The following PIK3C2G variants were observed in gnomAD, a reference collection of about 807,000 sequenced individuals.
The protein encoded by PIK3C2G is phosphatidylinositol-4-phosphate 3-kinase catalytic subunit type 2 gamma, also known as phosphatidylinositol 3-kinase C2 domain-containing subunit gamma.
In PIK3C2G, 168 loss-of-function variants were observed where a neutral mutation model predicts 181.1. That is an observed-to-expected ratio of 0.93 (90% CI 0.82 to 1.05). The LOEUF (loss-of-function observed/expected upper bound fraction) is 1.05. PIK3C2G is among the 50% of genes least tolerant of loss of function. The pLI is 0.00. For synonymous variants in PIK3C2G, 573 were observed against 592.2 expected, an observed-to-expected ratio of 0.97 and a Z score of 0.47; for missense variants, 1,869 against 1,732.8, an observed-to-expected ratio of 1.08 and a Z score of -1.40.
intron 25 of PIK3C2G, among the ~76,000 whole-genome samples, chr12:18,545,648 TA>T (rs1453562277): frequency 6.6e-6 from 1 of 151,852 alleles, no homozygotes; most frequent in African/African-American, 2.4e-5. Context: ...GGCAGGAAAA[TA>T]TCTTATACAA....
At chr12:18,636,432 T>C (rs1949606396) in intron 31 of PIK3C2G, among the ~76,000 whole-genome samples, 1 of 152,132 alleles carries the variant, frequency 6.6e-6, no homozygotes, top group Non-Finnish European at 1.5e-5. Flanking sequence ...GGTTTCTCCA[T>C]GTTGGTCAGG....
At position 18,307,414 on chromosome 12, in the gene PIK3C2G, T is replaced by C. The variant is rs546139533; in HGVS notation, c.1035-6548T>C. Among the ~76,000 whole-genome samples, 34 of 151,998 alleles carry C rather than the reference T, an allele frequency of 2.2e-4. 1 individual carries two copies. Among genetic ancestry groups the C allele is most frequent in the African/African-American group, 7.5e-4 (31 of 41,520 alleles). On this transcript the variant is annotated intron_variant, in intron 5 of 32. Coordinates refer to ENST00000538779, the MANE Select transcript of PIK3C2G (RefSeq NM_001288772.2). The stretch of plus-strand genomic sequence containing the variant: ...TTTTTATTGTATCACAGACATTCAG[T>C]TCATTTAACAGCTGAAGTTTTATAG...
chr12:18,475,176 A>G (rs797012944), intron 18 of PIK3C2G, among the ~76,000 whole-genome samples: 3 of 152,194 alleles, frequency 2.0e-5, no homozygotes, highest in African/African-American at 7.2e-5. Flanking sequence ...AGATATTGCC[A>G]CCTTTTTTGG....
Position 18,640,339 on chromosome 12 carries a change from T to A in PIK3C2G, c.4183-90T>A, listed in dbSNP as rs1017377518. On this transcript the variant is annotated intron_variant, in intron 31 of 32. Coordinates refer to ENST00000538779, the MANE Select transcript of PIK3C2G (RefSeq NM_001288772.2). ...ACAAAGTGACTGTAATAAATCCTGA[T>A]CCTGCCTTTGGTCTGGATATTTAGT... 4.8e-5 allele frequency: 52 copies of A among 1,076,330 alleles called. 1 individual carries two copies. The East Asian group carries it at 1.2e-3, about 25-fold the overall frequency. The allele number at this position is 1,076,330 out of a possible 1,614,324, so 66.7% of individuals were successfully genotyped here.
In PIK3C2G at chr12:18,392,802, T is replaced by C. The variant is rs147544131; in HGVS notation, c.2126+1550T>C. ...CTATATTTCTAATGCTATACACTGA[T>C]AACAATGTGTGTGAATAAATAGATT... is the stretch of plus-strand genomic sequence containing the variant. On this transcript the variant is annotated intron_variant, in intron 15 of 32. Transcript: ENST00000538779. 6.8e-4 allele frequency among the ~76,000 whole-genome samples: 104 copies of C among 152,258 alleles called. 1 individual carries two copies. In the East Asian group the frequency reaches 0.018, roughly 26 times the overall value.
At chr12:18,623,963 A>T (rs1948982065) in intron 31 of PIK3C2G, among the ~76,000 whole-genome samples, 1 of 151,778 alleles carries the variant, frequency 6.6e-6, no homozygotes, top group African/African-American at 2.4e-5. Context: ...TATATATAAA[A>T]TCATGCCATC....
At chr12:18,492,930 A>C (rs931024797) in intron 20 of PIK3C2G, 1 of 152,258 alleles carries the variant, frequency 6.6e-6, no homozygotes, top group Non-Finnish European at 1.5e-5. Context: ...CCCAAGTAGA[A>C]CCACTGTCTG....
intron 5 of PIK3C2G, among the ~76,000 whole-genome samples, chr12:18,303,312 T>C (rs1950286105): frequency 6.7e-6 from 1 of 149,822 alleles, no homozygotes; most frequent in African/African-American, 2.5e-5. Flanking sequence ...TTTCCTTTCT[T>C]TCCTTTCTCT....
At chr12:18,532,682 A>G (rs1211708518) in intron 24 of PIK3C2G, among the ~76,000 whole-genome samples, 1 of 152,084 alleles carries the variant, frequency 6.6e-6, no homozygotes, top group African/African-American at 2.4e-5. Context: ...GCCTATGTGT[A>G]TTCTGCCACC....
chr12:18,250,281 A>T (rs1362954109), intron 1 of PIK3C2G, among the ~76,000 whole-genome samples: 1 of 152,096 alleles, frequency 6.6e-6, no homozygotes, highest in Non-Finnish European at 1.5e-5. Flanking sequence ...AAAAAAAGTG[A>T]AATTGACAGA....
intron 12 of PIK3C2G, among the ~76,000 whole-genome samples, chr12:18,367,558 T>C (rs1183920108): frequency 2.0e-5 from 3 of 152,138 alleles, no homozygotes; most frequent in Non-Finnish European, 4.4e-5. Context: ...TATTTTTATT[T>C]ATTTATTTTT....
rs531593500 is a variant in PIK3C2G, at chr12:18,301,235, A to G, written c.1034+7220A>G. Among the ~76,000 whole-genome samples, 7 of 152,252 alleles carry G rather than the reference A, an allele frequency of 4.6e-5. No homozygotes were observed. The South Asian group carries it at 1.5e-3, about 32-fold the overall frequency. ...TTGGGGATTTTTGAACTTCCTATAT[A>G]TAGATTTCTAAATCCCTAGCAAAAC... On this transcript the variant is annotated intron_variant, in intron 5 of 32. Transcript: ENST00000538779.
At chr12:18,703,436 CTT>C in the PIK3C2G span, among the ~76,000 whole-genome samples, 5 of 152,186 alleles carry the variant, frequency 3.3e-5, no homozygotes, top group Non-Finnish European at 7.4e-5. Context: ...GCCCTGGAAA[CTT>C]AGTCATGTAA....
At chr12:18,584,620 C>A (rs2136441183) in intron 29 of PIK3C2G, among the ~76,000 whole-genome samples, 1 of 152,172 alleles carries the variant, frequency 6.6e-6, no homozygotes, top group South Asian at 2.1e-4. Context: ...AAATATATTT[C>A]TGAATATAAT....
intron 29 of PIK3C2G, 34 bp from the exon 30 acceptor site, chr12:18,594,460 A>G (rs1947247067): frequency 7.5e-7 from 1 of 1,331,776 alleles, no homozygotes; most frequent in Non-Finnish European, 1.0e-6. Context: ...AATATAAGAA[A>G]TAAAGAAATA....
chr12:18,716,373 A>T, the PIK3C2G span, among the ~76,000 whole-genome samples: 265 of 152,276 alleles, frequency 1.7e-3, 1 homozygote, highest in Admixed American at 3.7e-3. Context: ...ACAAAACTGC[A>T]TATTCAGACT....
the PIK3C2G span, among the ~76,000 whole-genome samples, chr12:18,669,923 C>T: frequency 1.3e-5 from 2 of 152,120 alleles, no homozygotes; most frequent in East Asian, 1.9e-4. Context: ...CCCACCTGGC[C>T]TCCCAAAGTG....
the PIK3C2G span, among the ~76,000 whole-genome samples, chr12:18,665,652 G>A: frequency 1.1e-4 from 17 of 152,074 alleles, no homozygotes; most frequent in African/African-American, 1.4e-4. Flanking sequence ...AATTAGCCTG[G>A]CGGTCTGGAC....
the PIK3C2G span, chr12:18,694,168 G>A: frequency 4.2e-3 from 2,900 of 683,738 alleles, 52 homozygotes; most frequent in South Asian, 0.025. Context: ...GAGGCTGGGG[G>A]AGTTGCCCAG....
Sources: gnomAD v4.1 joint callset for allele counts (sites outside exome capture counted in the v4.1 genomes callset) on GRCh38, gnomAD v4.1.1 for gene constraint, MANE v1.5 for transcripts, NCBI Gene and HGNC (gene_info 2026-07-23, HGNC 2026-07-21) for gene names.